DYRK1A: variants seen among roughly 807,000 people sequenced by gnomAD.
DYRK1A encodes the protein dual specificity tyrosine-phosphorylation-regulated kinase 1A.
In DYRK1A, 9 loss-of-function variants were observed where a neutral mutation model predicts 79.7. The observed-to-expected ratio is 0.11, with a 90% CI of 0.07 to 0.20. The LOEUF is 0.20. Ranked by LOEUF, DYRK1A falls within the 10% of genes least tolerant of loss-of-function variation. The pLI, the probability that DYRK1A is intolerant of heterozygous loss-of-function variation, is 1.00. For missense variants in DYRK1A, 622 were observed against 956.0 expected (o/e 0.65, Z 4.61); for synonymous variants, 349 against 329.7 (o/e 1.06, Z -0.63).
rs201225999 is a variant in DYRK1A, at chr21:37,482,613, T to C, written c.489+1787T>C. On this transcript the variant is annotated intron_variant, in intron 5 of 11. Coordinates refer to ENST00000647188, the MANE Select transcript of DYRK1A (RefSeq NM_001347721.2). The stretch of plus-strand genomic sequence containing the variant: ...AAGTTTTGGGCACCACTGTCATTGA[T>C]AACATCTTATCAGGAGACAGGGTTT... Among the ~76,000 whole-genome samples the C allele has an allele frequency of 1.2e-4, 19 of 152,308 alleles. No individual in the cohort carries two copies. In the South Asian group the frequency reaches 3.9e-3, roughly 32 times the overall value.
At chr21:37,408,570 A>T (rs1031004720) in intron 1 of DYRK1A, among the ~76,000 whole-genome samples, 4 of 152,062 alleles carry the variant, frequency 2.6e-5, no homozygotes, top group Non-Finnish European at 5.9e-5. Flanking sequence ...AATTATATAA[A>T]TTTTTTTTAG....
chr21:37,395,029 C>T (rs566117185), intron 1 of DYRK1A, among the ~76,000 whole-genome samples: 104 of 152,242 alleles, frequency 6.8e-4, no homozygotes, highest in African/African-American at 2.3e-3. Context: ...GTTGCGTCCC[C>T]GCCCCCAGAC....
chr21:37,369,467 C>G (rs778759235), intron 1 of DYRK1A, among the ~76,000 whole-genome samples: 1 of 152,144 alleles, frequency 6.6e-6, no homozygotes, highest in Non-Finnish European at 1.5e-5. Flanking sequence ...AGGATTTTCC[C>G]TGGTATAGCA....
chr21:37,365,743 A>T, upstream of DYRK1A: 1 of 152,334 alleles, frequency 6.6e-6, no homozygotes, highest in Non-Finnish European at 1.5e-5. Flanking sequence ...AGAAAAGAAA[A>T]CCAGAGAGCT....
At chr21:37,439,922 A>G (rs2051041871) in intron 2 of DYRK1A, among the ~76,000 whole-genome samples, 1 of 151,942 alleles carries the variant, frequency 6.6e-6, no homozygotes, top group African/African-American at 2.4e-5. Flanking sequence ...TTAAACTGAT[A>G]ATAGTGTTTG....
chr21:37,454,132 G>A (rs1188448622), intron 2 of DYRK1A, among the ~76,000 whole-genome samples: 1 of 105,520 alleles, frequency 9.5e-6, no homozygotes, highest in African/African-American at 3.8e-5. Flanking sequence ...TCACTGTGTT[G>A]CCCAGGCTGT....
intron 2 of DYRK1A, among the ~76,000 whole-genome samples, chr21:37,451,803 A>C (rs976500599): frequency 6.6e-6 from 1 of 152,190 alleles, no homozygotes; most frequent in Non-Finnish European, 1.5e-5. Context: ...GTTCTGAGGG[A>C]AGAATGGAGT....
intron 2 of DYRK1A, among the ~76,000 whole-genome samples, chr21:37,439,412 A>G (rs1353650642): frequency 2.0e-5 from 3 of 152,248 alleles, no homozygotes; most frequent in South Asian, 4.1e-4. Context: ...AGGATCAAAC[A>G]GTATGTTAGC....
upstream of DYRK1A, among the ~76,000 whole-genome samples, chr21:37,366,470 C>G (rs1297942839): frequency 6.7e-6 from 1 of 148,956 alleles, no homozygotes; most frequent in Non-Finnish European, 1.5e-5. Context: ...GCCGCCGCCT[C>G]GCCCCCCCTT....
At chr21:37,448,541 G>C (rs1169173531) in intron 2 of DYRK1A, among the ~76,000 whole-genome samples, 1 of 151,956 alleles carries the variant, frequency 6.6e-6, no homozygotes, top group Non-Finnish European at 1.5e-5. Flanking sequence ...ATAATTTGTG[G>C]GAAAATAGGA....
intron 9 of DYRK1A, among the ~76,000 whole-genome samples, chr21:37,500,464 G>A (rs2053408087): frequency 6.6e-6 from 1 of 152,032 alleles, no homozygotes; most frequent in South Asian, 2.1e-4. Flanking sequence ...TTTGATTTTA[G>A]GATTGTGCTG....
Position 37,525,329 on chromosome 21 carries a change from A to G in DYRK1A, c.*12798A>G, listed in dbSNP as rs1030056697. 9 of 152,266 alleles carry G rather than the reference A, an allele frequency of 5.9e-5. No homozygotes were observed. The highest frequency in any genetic ancestry group is 2.2e-4 in the African/African-American group (9 of 41,454). The allele number at this position is 152,266 out of a possible 1,614,324, so 9.4% of individuals were successfully genotyped here. A position where few individuals can be genotyped will look rare whatever the true frequency, so the allele number is the denominator to read the frequency against. ...GTTGTGGAAGGTAAAGGAGAAGCCA[A>G]GGCAAGTCTTAGGTGGCGGCAAGCA... On this transcript the variant is annotated 3_prime_UTR_variant, in exon 12 of 12. Transcript: ENST00000647188.
chr21:37,412,059 A>G (rs975028817), intron 1 of DYRK1A, among the ~76,000 whole-genome samples: 3 of 152,206 alleles, frequency 2.0e-5, no homozygotes, highest in South Asian at 2.1e-4. Context: ...TATAACATAA[A>G]TAATTAACAG....
At chr21:37,424,532 A>G (rs1431005956) in intron 2 of DYRK1A, among the ~76,000 whole-genome samples, 1 of 152,140 alleles carries the variant, frequency 6.6e-6, no homozygotes. Flanking sequence ...GATCCATTTT[A>G]TACTCGTGTT....
chr21:37,479,306 A>T (rs2052513557), intron 4 of DYRK1A, among the ~76,000 whole-genome samples: 1 of 152,174 alleles, frequency 6.6e-6, no homozygotes, highest in Admixed American at 6.5e-5. Context: ...CTAGCTTGTG[A>T]TTATCTGAAT....
Position 37,486,577 on chromosome 21 carries a change from C to T in DYRK1A, c.600C>T (p.Leu200=), listed in dbSNP as rs1385516854. 2 of 1,594,618 alleles carry T rather than the reference C, an allele frequency of 1.3e-6. No homozygotes were observed. The highest frequency in any genetic ancestry group is 1.7e-6 in the Non-Finnish European group (2 of 1,171,778). ...QAQIEVRLLE[L]MNKHDTEMKY... is the part of the protein sequence containing the mutation. Reference sequence around the variant, plus strand: ...AGATAGAAGTGCGACTTCTTGAGCTCATGAACAAACATGACACTGAAATGA... The same window carrying T: ...AGATAGAAGTGCGACTTCTTGAGCTTATGAACAAACATGACACTGAAATGA... The change falls in exon 6 of 12, where the codon CTC becomes CTT. Residue 200 remains leucine, a synonymous_variant. Coordinates refer to ENST00000647188, the MANE Select transcript of DYRK1A (RefSeq NM_001347721.2).
At chr21:37,393,554 A>G (rs765791629) in intron 1 of DYRK1A, among the ~76,000 whole-genome samples, 18 of 152,356 alleles carry the variant, frequency 1.2e-4, no homozygotes, top group African/African-American at 4.3e-4. Flanking sequence ...TTTTCAAATC[A>G]GGAGATAAAT....
In DYRK1A at chr21:37,518,595, CG is replaced by C. The variant is rs1272841457; in HGVS notation, c.*6066del. ...AAGAAGAGGCGTGTGGCTAATATGA[CG>C]GAAGTCTGAATCCAAGGACTTTTTT... On this transcript the variant is annotated 3_prime_UTR_variant, in exon 12 of 12. Coordinates refer to ENST00000647188, the MANE Select transcript of DYRK1A (RefSeq NM_001347721.2). 2 of 148,968 alleles carry C rather than the reference CG, an allele frequency of 1.3e-5. No individual in the cohort carries two copies. Among genetic ancestry groups the C allele is most frequent in the Non-Finnish European group, 3.0e-5 (2 of 67,716 alleles). The allele number at this position is 148,968 out of a possible 1,614,324, so 9.2% of individuals were successfully genotyped here.
chr21:37,500,218 A>T (rs1192787752), intron 9 of DYRK1A, among the ~76,000 whole-genome samples: 4 of 151,990 alleles, frequency 2.6e-5, no homozygotes, highest in African/African-American at 9.7e-5. Flanking sequence ...GAATATTGTC[A>T]TGTTTTTTCT....
Sources: allele counts gnomAD v4.1 joint callset (sites outside exome capture counted in the v4.1 genomes callset), GRCh38; gene constraint gnomAD v4.1.1; transcripts MANE v1.5; gene names NCBI Gene and HGNC (gene_info 2026-07-23, HGNC 2026-07-21).